TRPM5: variants seen among roughly 807,000 people sequenced by gnomAD.
TRPM5 encodes the protein transient receptor potential cation channel subfamily M member 5, also known as MLSN1 and TRP-related.
TRPM5 carries 121 observed loss-of-function variants against 124.9 expected under a neutral mutation model. That is an observed-to-expected ratio of 0.97 (90% CI 0.84 to 1.13). The LOEUF is 1.13. Ranked by LOEUF, TRPM5 falls within the 50% of genes most tolerant of loss-of-function variation. TRPM5 has a pLI of 0.00. For missense variants in TRPM5, 1,643 were observed against 1,589.1 expected (o/e 1.03, Z -0.58); for synonymous variants, 781 against 700.5 (o/e 1.11, Z -1.81).
Position 2,415,060 on chromosome 11 carries a change from G to T in TRPM5, c.1480-13C>A. Reference sequence around the variant, plus strand: ...CCGGGCCCTTCTCCTGGAGGACACGGGCGTCGGCCTCCTGCTGCGGCCCCA... The same window carrying T: ...CCGGGCCCTTCTCCTGGAGGACACGTGCGTCGGCCTCCTGCTGCGGCCCCA... On this transcript the variant is annotated splice_polypyrimidine_tract_variant and intron_variant, in intron 9 of 23. Coordinates refer to ENST00000155858, the Ensembl canonical transcript of TRPM5. 1 of 1,596,514 alleles carries T rather than the reference G, an allele frequency of 6.3e-7. No homozygotes were observed.
At chr11:2,427,709 G>A (rs565055240), upstream of TRPM5, among the ~76,000 whole-genome samples, 11 of 152,366 alleles carry the variant, frequency 7.2e-5, no homozygotes, top group Admixed American at 5.2e-4. Flanking sequence ...CTCCTTTGGC[G>A]ATGTCTGGCG....
At chr11:2,410,657 C>T (rs774289293) in intron 18 of TRPM5, 2 of 452,512 alleles carry the variant, frequency 4.4e-6, no homozygotes. Context: ...GCGGCTCTGA[C>T]CCCCGCCCCC....
At chr11:2,420,091 G>A in intron 4 of TRPM5, 131 bp downstream of exon 9, 1 of 1,033,182 alleles carries the variant, frequency 9.7e-7, no homozygotes, top group Non-Finnish European at 1.4e-6. Context: ...CGGTGCTCAG[G>A]CATGCGGGGT....
the TRPM5 span, among the ~76,000 whole-genome samples, chr11:2,443,742 C>G: frequency 6.6e-6 from 1 of 152,114 alleles, no homozygotes; most frequent in Admixed American, 6.5e-5. The surrounding 1 kb of genome is among the most constrained non-coding windows in gnomAD (Gnocchi z 5.0). Context: ...AGAGTCACCG[C>G]TGAGCTCCAC....
At chr11:2,438,228 CAT>C in the TRPM5 span, among the ~76,000 whole-genome samples, 1 of 152,156 alleles carries the variant, frequency 6.6e-6, no homozygotes, top group East Asian at 1.9e-4. The surrounding 1 kb of genome is among the most constrained non-coding windows in gnomAD (Gnocchi z 5.9). Flanking sequence ...CAGTCAACAT[CAT>C]ATTGAACGGG....
chr11:2,405,480 T>G (rs769593059), intron 23 of TRPM5, 47 bp downstream of exon 28: 7 of 1,519,340 alleles, frequency 4.6e-6, no homozygotes, highest in African/African-American at 4.1e-5. Flanking sequence ...CGCTGCAGAG[T>G]GGGTGCCCAT....
upstream of TRPM5, among the ~76,000 whole-genome samples, chr11:2,426,970 C>T (rs928598656): frequency 6.6e-6 from 1 of 152,238 alleles, no homozygotes; most frequent in Non-Finnish European, 1.5e-5. Context: ...TCGCCCTCAG[C>T]TTCTGAGCCG....
intron 23 of TRPM5, 145 bp downstream of exon 28, chr11:2,405,382 T>G (rs1290688473): frequency 1.2e-6 from 1 of 842,232 alleles, no homozygotes; most frequent in Non-Finnish European, 1.8e-6. Flanking sequence ...CACACCACCC[T>G]GAAGAGCCGC....
rs528813512 is a variant in TRPM5 at position 2,418,607 on chromosome 11, C to G, written c.650-16G>C. On this transcript the variant is annotated splice_polypyrimidine_tract_variant and intron_variant, in intron 4 of 23. Transcript: ENST00000155858. ...CTGCCAGTGCCTGTGGACAGGGCAC[C>G]CGTGAGGCCTGAGGACCCTCCGCCT... 5.0e-6 allele frequency: 8 copies of G among 1,607,900 alleles called. No homozygotes were observed. In the East Asian group the frequency reaches 1.8e-4, roughly 36 times the overall value.
the TRPM5 span, among the ~76,000 whole-genome samples, chr11:2,429,157 TGTG>T: frequency 6.8e-6 from 1 of 147,122 alleles, no homozygotes; most frequent in African/African-American, 2.5e-5. The surrounding 1 kb of genome is among the most constrained non-coding windows in gnomAD (Gnocchi z 8.4). Context: ...TGGTGATGAT[TGTG>T]GTGATGGTGA....
chr11:2,439,511 C>T, the TRPM5 span, among the ~76,000 whole-genome samples: 1 of 152,200 alleles, frequency 6.6e-6, no homozygotes, highest in Non-Finnish European at 1.5e-5. Flanking sequence ...AAAAATTGCT[C>T]AAAGGAGATG....
chr11:2,419,176 G>T (rs1230969145), intron 4 of TRPM5, among the ~76,000 whole-genome samples: 1 of 152,202 alleles, frequency 6.6e-6, no homozygotes, highest in African/African-American at 2.4e-5. Flanking sequence ...ACTTTGAAAG[G>T]TGCCTCCTGA....
chr11:2,406,330 A>C (rs1197188986), intron 21 of TRPM5, among the ~76,000 whole-genome samples: 3 of 152,142 alleles, frequency 2.0e-5, no homozygotes, highest in Non-Finnish European at 4.4e-5. Context: ...TGGGCGCACC[A>C]CCCAGAAAGA....
chr11:2,441,479 G>A, the TRPM5 span, among the ~76,000 whole-genome samples: 5 of 152,004 alleles, frequency 3.3e-5, no homozygotes, highest in East Asian at 5.8e-4. This position sits in a 1 kb window ranked among gnomAD's most constrained non-coding sequence, Gnocchi z 7.2. Context: ...TGCGCACCTG[G>A]CCTTACTCCC....
chr11:2,432,388 C>G, the TRPM5 span, among the ~76,000 whole-genome samples: 1 of 152,232 alleles, frequency 6.6e-6, no homozygotes, highest in Non-Finnish European at 1.5e-5. Context: ...CCCCTGCCCC[C>G]ACGGGGCCTC....
At chr11:2,413,507 C>T (rs746934553) in exon 13 of TRPM5, 10 of 1,612,020 alleles carry the variant, frequency 6.2e-6, no homozygotes, top group African/African-American at 4.0e-5. Context: ...TAGACGAGGG[C>T]GGGGCAGAGG....
At chr11:2,421,113 C>A in exon 3 of TRPM5, 2 of 1,545,962 alleles carry the variant, frequency 1.3e-6, no homozygotes, top group South Asian at 2.4e-5. Flanking sequence ...CCTTGGTGGA[C>A]GTGCTGGCCA....
the TRPM5 span, among the ~76,000 whole-genome samples, chr11:2,431,411 T>C: frequency 6.6e-6 from 1 of 152,176 alleles, no homozygotes; most frequent in African/African-American, 2.4e-5. Context: ...CCAGTGTCTG[T>C]GGTATGTGAA....
exon 11 of TRPM5, chr11:2,414,758 C>A (rs767227981): frequency 6.5e-7 from 1 of 1,548,610 alleles, no homozygotes; most frequent in Admixed American, 2.0e-5. Context: ...TGGCTCGGGC[C>A]GCCTCGGCCT....
Sources: gnomAD v4.1 joint callset for allele counts (sites outside exome capture counted in the v4.1 genomes callset) on GRCh38, gnomAD v4.1.1 for gene constraint, Gnocchi (gnomAD v3.1) non-coding constraint, MANE v1.5 for transcripts, NCBI Gene and HGNC (gene_info 2026-07-23, HGNC 2026-07-21) for gene names.